The following KIF18A variants were observed in gnomAD, a reference collection of about 807,000 sequenced individuals.
KIF18A encodes the protein kinesin-like protein KIF18A.
KIF18A carries 67 observed loss-of-function variants against 103.3 expected under a neutral mutation model. That is an observed-to-expected ratio of 0.65 (90% CI 0.53 to 0.79). The LOEUF is 0.79. Among genes scored for constraint, KIF18A ranks in the 30% least tolerant of loss-of-function variants. The probability of loss-of-function intolerance (pLI) is 0.00; values close to 1 mark genes in which losing one functional copy is unlikely to be tolerated. For synonymous variants in KIF18A, 367 were observed against 355.5 expected (o/e 1.03, Z -0.36); for missense variants, 1,032 against 1,062.5 (o/e 0.97, Z 0.40).
At chr11:28,039,787 T>C (rs1229749032) in intron 13 of KIF18A, among the ~76,000 whole-genome samples, 3 of 151,852 alleles carry the variant, frequency 2.0e-5, no homozygotes, top group Non-Finnish European at 2.9e-5. Context: ...AGGAATAGCA[T>C]GGAGATGTGG....
intron 5 of KIF18A, among the ~76,000 whole-genome samples, chr11:28,089,946 G>C (rs974084305): frequency 6.6e-6 from 1 of 152,066 alleles, no homozygotes; most frequent in Non-Finnish European, 1.5e-5. Flanking sequence ...TTAGTGGTAA[G>C]AACAAAAAAG....
intron 14 of KIF18A, among the ~76,000 whole-genome samples, 194 bp from the exon 15 acceptor site, chr11:28,035,688 T>C (rs2133495432): frequency 6.6e-6 from 1 of 151,718 alleles, no homozygotes; most frequent in Non-Finnish European, 1.5e-5. Flanking sequence ...AAAGTTGCTA[T>C]CAAGAGATTT....
chr11:28,107,781 G>A (rs892815065), intron 1 of KIF18A, among the ~76,000 whole-genome samples: 1 of 152,140 alleles, frequency 6.6e-6, no homozygotes, highest in Non-Finnish European at 1.5e-5. Context: ...TGGGAAAGGG[G>A]CCAAGATGCC....
At chr11:28,100,702 A>G (rs55962856) in intron 1 of KIF18A, among the ~76,000 whole-genome samples, 21 of 152,138 alleles carry the variant, frequency 1.4e-4, no homozygotes, top group Admixed American at 4.6e-4. Flanking sequence ...ATTCAAAGGA[A>G]TCTAAAAGCA....
At chr11:28,063,997 T>C (rs1033275775) in intron 11 of KIF18A, among the ~76,000 whole-genome samples, 3 of 151,690 alleles carry the variant, frequency 2.0e-5, no homozygotes, top group Admixed American at 2.0e-4. Flanking sequence ...GTACTTCCAA[T>C]GCCAGTTATT....
At position 28,059,012 on chromosome 11, in the gene KIF18A, G is replaced by A. The variant is rs1190891976; in HGVS notation, c.1862C>T (p.Ala621Val). 1.9e-6 allele frequency: 3 copies of A among 1,614,002 alleles called. No homozygotes were observed. The highest frequency in any genetic ancestry group is 2.5e-6 in the Non-Finnish European group (3 of 1,179,938). The change falls in exon 13 of 17, where the codon GCC becomes GTC. Residue 621 changes from alanine (A) to valine (V), a missense_variant. Ala to Val is a moderately conservative substitution (Grantham distance 64). Coordinates refer to ENST00000263181, the MANE Select transcript of KIF18A (RefSeq NM_031217.4). ...TAGATCGTTTTGCTTTGGTTGTTCG[G>A]CAGTTTGGTCAGCCCAAACTACCAC... ...KKVVVWADQT[A>V]EQPKQNDLPG...
At chr11:28,042,074 TAG>T (rs1232941799) in intron 13 of KIF18A, among the ~76,000 whole-genome samples, 2 of 151,766 alleles carry the variant, frequency 1.3e-5, no homozygotes, top group Non-Finnish European at 2.9e-5. Context: ...TGGACACTCA[TAG>T]AGACTTGAGG....
chr11:28,087,229 C>T (rs953333674), intron 6 of KIF18A, among the ~76,000 whole-genome samples: 5 of 152,148 alleles, frequency 3.3e-5, no homozygotes, highest in Admixed American at 6.5e-5. Context: ...CCTCCCCTAG[C>T]CCCCACACCC....
intron 11 of KIF18A, 23 bp downstream of exon 11, chr11:28,069,236 T>G: frequency 1.3e-6 from 2 of 1,590,852 alleles, no homozygotes; most frequent in African/African-American, 1.3e-5. Context: ...AAATTAAATC[T>G]GAACATACAG....
intron 1 of KIF18A, among the ~76,000 whole-genome samples, chr11:28,105,069 G>A (rs977385162): frequency 6.6e-6 from 1 of 151,602 alleles, no homozygotes; most frequent in Non-Finnish European, 1.5e-5. Flanking sequence ...TACCTTAATC[G>A]CAACATTTAA....
chr11:28,049,882 C>A (rs537567179), intron 13 of KIF18A, among the ~76,000 whole-genome samples: 9 of 151,278 alleles, frequency 5.9e-5, no homozygotes, highest in Admixed American at 4.0e-4. Context: ...TTATAAGATA[C>A]GTAAACTTAT....
chr11:28,102,305 C>T (rs1003614600), intron 1 of KIF18A, among the ~76,000 whole-genome samples: 2 of 152,162 alleles, frequency 1.3e-5, no homozygotes, highest in African/African-American at 2.4e-5. Context: ...CTATCAATCC[C>T]AGGTCTTTAG....
At chr11:28,035,987 G>C (rs2133495733) in intron 14 of KIF18A, among the ~76,000 whole-genome samples, 1 of 151,332 alleles carries the variant, frequency 6.6e-6, no homozygotes, top group East Asian at 1.9e-4. Flanking sequence ...CATATCTTAA[G>C]GTCTCTCCTA....
intron 15 of KIF18A, among the ~76,000 whole-genome samples, chr11:28,032,763 G>A (rs531588303): frequency 4.6e-5 from 7 of 151,684 alleles, no homozygotes; most frequent in Non-Finnish European, 1.0e-4. Context: ...CTATGAAACT[G>A]CTAAAAGAAA....
At chr11:28,035,187 A>C (rs202051073) in intron 15 of KIF18A, among the ~76,000 whole-genome samples, 200 bp downstream of exon 15, 4 of 151,600 alleles carry the variant, frequency 2.6e-5, no homozygotes, top group Non-Finnish European at 4.4e-5. Flanking sequence ...ATTTTATAAA[A>C]TATCAAGTGA....
chr11:28,050,524 T>C (rs911340375), intron 13 of KIF18A, among the ~76,000 whole-genome samples: 1 of 151,906 alleles, frequency 6.6e-6, no homozygotes, highest in Admixed American at 6.6e-5. Flanking sequence ...CTATATTCAA[T>C]CAGAATATTG....
chr11:28,059,596 A>G (rs1170599154), intron 12 of KIF18A, among the ~76,000 whole-genome samples: 1 of 151,860 alleles, frequency 6.6e-6, no homozygotes, highest in African/African-American at 2.4e-5. Flanking sequence ...TACACTGACT[A>G]ATTTTTTTAT....
At chr11:28,030,876 T>C (rs1281594849) in intron 15 of KIF18A, among the ~76,000 whole-genome samples, 1 of 150,526 alleles carries the variant, frequency 6.6e-6, no homozygotes, top group Non-Finnish European at 1.5e-5. Context: ...GCGAAGGACA[T>C]GAACAGACAC....
At chr11:28,055,809 C>T (rs1327213772) in intron 13 of KIF18A, among the ~76,000 whole-genome samples, 1 of 152,138 alleles carries the variant, frequency 6.6e-6, no homozygotes, top group African/African-American at 2.4e-5. Flanking sequence ...AAAAAATTTG[C>T]ATGCATATGA....
Sources: allele counts gnomAD v4.1 joint callset (sites outside exome capture counted in the v4.1 genomes callset), GRCh38; gene constraint gnomAD v4.1.1; transcripts MANE v1.5; gene names NCBI Gene and HGNC (gene_info 2026-07-23, HGNC 2026-07-21).